The following ATXN1 variants were observed in gnomAD, a reference collection of about 807,000 sequenced individuals.
The protein encoded by ATXN1 is ataxin 1, also known as ataxin-1.
Under a neutral mutation model 56.4 loss-of-function variants are expected in ATXN1, and 8 were observed. That is an observed-to-expected ratio of 0.14 (90% CI 0.08 to 0.26). The LOEUF (loss-of-function observed/expected upper bound fraction) is 0.26, where lower values mean the gene tolerates loss of function less well. Among genes scored for constraint, ATXN1 ranks in the 10% least tolerant of loss-of-function variants. ATXN1 has a pLI of 1.00. For missense variants in ATXN1, 987 were observed against 1,106.5 expected (o/e 0.89, Z 1.53); for synonymous variants, 514 against 494.6 (o/e 1.04, Z -0.52).
chr6:16,338,353 C>T (rs1331799744), intron 6 of ATXN1, among the ~76,000 whole-genome samples: 7 of 152,044 alleles, frequency 4.6e-5, no homozygotes, highest in African/African-American at 1.7e-4. Context: ...ATGAGCCAGG[C>T]GTGGTGGCAG....
At chr6:16,604,370 T>C (rs1762964630) in intron 3 of ATXN1, among the ~76,000 whole-genome samples, 1 of 148,688 alleles carries the variant, frequency 6.7e-6, no homozygotes, top group Non-Finnish European at 1.5e-5. Flanking sequence ...GTGGTGCACA[T>C]CTATAGTTCC....
chr6:16,733,461 G>C (rs77882646), intron 2 of ATXN1, among the ~76,000 whole-genome samples: 22,049 of 152,008 alleles, frequency 0.15, 1,675 homozygotes, highest in Middle Eastern at 0.23. Flanking sequence ...TAATCGGGAG[G>C]CTGAGGTAGG....
In ATXN1 at chr6:16,299,254, TAGA is replaced by T. The variant is rs1249542100; in HGVS notation, c.*7072_*7074del. On this transcript the variant is annotated 3_prime_UTR_variant, in exon 8 of 8. Transcript: ENST00000436367. The stretch of plus-strand genomic sequence containing the variant: ...TTATAATAATGAAATAATTTCTACC[TAGA>T]AAACCTGCAAGCACCATCAAAGAAA... 6.6e-6 allele frequency: 1 copy of T among 152,582 alleles called. No homozygotes were observed. Among genetic ancestry groups the T allele is most frequent in the Non-Finnish European group, 1.5e-5 (1 of 68,036 alleles). 9.5% of individuals were successfully genotyped at this position (152,582 alleles called of 1,614,324 possible).
chr6:16,731,483 T>TA (rs1759983904), intron 2 of ATXN1, among the ~76,000 whole-genome samples: 1 of 122,794 alleles, frequency 8.1e-6, no homozygotes. Flanking sequence ...TTTTTTTTTT[T>TA]AATAAAAACG....
chr6:16,311,067 A>C (rs1760378800), intron 7 of ATXN1, among the ~76,000 whole-genome samples: 1 of 152,186 alleles, frequency 6.6e-6, no homozygotes, highest in Non-Finnish European at 1.5e-5. Context: ...TACTGGGGGA[A>C]AGTTTCATTG....
Position 16,506,319 on chromosome 6 carries a change from AGG to A in ATXN1, c.-299+16306_-299+16307del. Among the ~76,000 whole-genome samples the A allele has an allele frequency of 6.6e-6, 1 of 152,306 alleles. No homozygotes were observed. Among genetic ancestry groups the A allele is most frequent in the East Asian group, 1.9e-4 (1 of 5,194 alleles). ...TGAGTCAAATGAAGAAAGTGGTTTA[AGG>A]GAAATGGTCATTTTCTAATGATTTT... On this transcript the variant is annotated intron_variant, in intron 5 of 7. Transcript: ENST00000436367. This position sits in a 1 kb window ranked among gnomAD's most constrained non-coding sequence, Gnocchi z 4.1.
rs534995627 is a variant in ATXN1 at position 16,668,982 on chromosome 6, A to G, written c.-614-11081T>C. Among the ~76,000 whole-genome samples the G allele has an allele frequency of 4.6e-5, 7 of 152,228 alleles. No homozygotes were observed. The East Asian group carries it at 1.4e-3, about 29-fold the overall frequency. ...GAATCCACCCCATTTTCTTGGCATC[A>G]TAATTACTCTTTGAGAAATTGTGCT... On this transcript the variant is annotated intron_variant, in intron 2 of 7. Coordinates refer to ENST00000436367, the MANE Select transcript of ATXN1 (RefSeq NM_001128164.2).
chr6:16,476,753 C>T (rs1760333362), intron 6 of ATXN1, among the ~76,000 whole-genome samples: 1 of 152,162 alleles, frequency 6.6e-6, no homozygotes. Context: ...CCAACAGCTA[C>T]CCTTGGAGTT....
At chr6:16,638,987 C>CT in intron 3 of ATXN1, among the ~76,000 whole-genome samples, 2 of 152,310 alleles carry the variant, frequency 1.3e-5, no homozygotes, top group Admixed American at 1.3e-4. Context: ...ACTTTTCTGT[C>CT]TTACAAGGGG....
intron 6 of ATXN1, among the ~76,000 whole-genome samples, chr6:16,329,924 G>A (rs1177111284): frequency 1.3e-5 from 2 of 152,198 alleles, no homozygotes; most frequent in Non-Finnish European, 1.5e-5. Context: ...AGCAAGCAGC[G>A]GATGTGATTG....
intron 6 of ATXN1, among the ~76,000 whole-genome samples, chr6:16,345,842 T>C (rs1407607160): frequency 1.3e-5 from 2 of 152,100 alleles, no homozygotes; most frequent in African/African-American, 4.8e-5. Context: ...ACAAAGCCAA[T>C]GGAACATTAA....
intron 7 of ATXN1, among the ~76,000 whole-genome samples, chr6:16,307,512 TAAAA>T (rs542289170): frequency 7.0e-6 from 1 of 143,308 alleles, no homozygotes; most frequent in Non-Finnish European, 1.5e-5. Flanking sequence ...CCACTAAAAA[TAAAA>T]AAAAAAAATT....
At chr6:16,501,148 A>T (rs1366710476) in intron 5 of ATXN1, among the ~76,000 whole-genome samples, 1 of 152,224 alleles carries the variant, frequency 6.6e-6, no homozygotes, top group South Asian at 2.1e-4. Context: ...CATACACACA[A>T]TCACACACAA....
intron 4 of ATXN1, among the ~76,000 whole-genome samples, chr6:16,533,612 A>G (rs1043031086): frequency 5.3e-5 from 8 of 152,336 alleles, no homozygotes; most frequent in African/African-American, 1.9e-4. Context: ...TGATGGAGGG[A>G]CATAGGAAAG....
At chr6:16,321,577 A>T (rs1304452538) in intron 7 of ATXN1, among the ~76,000 whole-genome samples, 6 of 152,226 alleles carry the variant, frequency 3.9e-5, no homozygotes, top group African/African-American at 1.2e-4. Context: ...TGGGCAGGGC[A>T]ATGCCACAGG....
At chr6:16,383,450 G>C (rs1758174902) in intron 6 of ATXN1, among the ~76,000 whole-genome samples, 1 of 152,008 alleles carries the variant, frequency 6.6e-6, no homozygotes, top group African/African-American at 2.4e-5. Flanking sequence ...ATAGAATATG[G>C]TGCTTATGGT....
intron 3 of ATXN1, among the ~76,000 whole-genome samples, chr6:16,602,375 T>G (rs1166298183): frequency 1.3e-5 from 2 of 152,158 alleles, no homozygotes; most frequent in African/African-American, 4.8e-5. Flanking sequence ...AGCTTTTAAT[T>G]TTTTTAAGCT....
intron 2 of ATXN1, among the ~76,000 whole-genome samples, chr6:16,707,502 CAAT>C (rs1390750778): frequency 2.6e-5 from 4 of 152,184 alleles, no homozygotes; most frequent in Non-Finnish European, 5.9e-5. Context: ...CTCTCTGTCT[CAAT>C]AACACCCCAA....
intron 5 of ATXN1, among the ~76,000 whole-genome samples, chr6:16,491,271 A>ATT (rs1760654854): frequency 8.8e-6 from 1 of 114,188 alleles, no homozygotes; most frequent in Non-Finnish European, 1.7e-5. Flanking sequence ...TATTATTATT[A>ATT]TTATTATTTT....
Sources: allele counts gnomAD v4.1 joint callset (sites outside exome capture counted in the v4.1 genomes callset), GRCh38; gene constraint gnomAD v4.1.1; non-coding constraint Gnocchi (gnomAD v3.1); transcripts MANE v1.5; gene names NCBI Gene and HGNC (gene_info 2026-07-23, HGNC 2026-07-21).